Variants in SOAT1 observed in about 807,000 individuals in gnomAD.
SOAT1 encodes the protein sterol O-acyltransferase 1.
A neutral mutation model predicts 69.5 loss-of-function variants in SOAT1; 55 were observed. The ratio of observed to expected loss-of-function variants is 0.79; its 90% CI spans 0.64 to 0.99. The LOEUF (loss-of-function observed/expected upper bound fraction) is 0.99. Ranked by LOEUF, SOAT1 falls within the 50% of genes least tolerant of loss-of-function variation. The probability of loss-of-function intolerance (pLI) is 0.00; values close to 1 mark genes in which losing one functional copy is unlikely to be tolerated. For missense variants in SOAT1, 580 were observed against 669.3 expected (o/e 0.87, Z 1.47); for synonymous variants, 231 against 224.7 (o/e 1.03, Z -0.25).
chr1:179,308,377 A>G (rs947227297), intron 2 of SOAT1, among the ~76,000 whole-genome samples: 7 of 152,158 alleles, frequency 4.6e-5, no homozygotes, highest in Non-Finnish European at 7.4e-5. Context: ...GTTGAGTAAT[A>G]TAGTTCCCAG....
At chr1:179,339,327 G>A in intron 5 of SOAT1, 111 bp from the exon 6 acceptor site, 1 of 585,442 alleles carries the variant, frequency 1.7e-6, no homozygotes, top group East Asian at 3.3e-5. Context: ...TTGGAGAGTG[G>A]ATTAAGCATC....
chr1:179,319,032 A>G (rs1168374140), intron 2 of SOAT1, among the ~76,000 whole-genome samples: 1 of 152,122 alleles, frequency 6.6e-6, no homozygotes, highest in Non-Finnish European at 1.5e-5. Context: ...TTTTCAAAGC[A>G]CTACACCATT....
chr1:179,332,382 C>T (rs866916717), intron 3 of SOAT1, among the ~76,000 whole-genome samples: 2 of 152,200 alleles, frequency 1.3e-5, no homozygotes, highest in Middle Eastern at 6.8e-3. Flanking sequence ...CTATGTGTTC[C>T]AACCATAGGG....
chr1:179,338,265 G>A (rs1666223473), intron 5 of SOAT1, among the ~76,000 whole-genome samples: 2 of 152,084 alleles, frequency 1.3e-5, no homozygotes, highest in South Asian at 4.2e-4. Flanking sequence ...GTGCATGCCT[G>A]TAATCCCAGC....
chr1:179,337,850 C>T lies in SOAT1; in HGVS notation c.343C>T (p.Pro115Ser), dbSNP rs1321784346. ...NNHRAKDLRA[P>S]PEQGKIFIAR... is the part of the protein sequence containing the mutation. The stretch of plus-strand genomic sequence containing the variant: ...TCCTCTTCTCAGGGATTTGAGAGCA[C>T]CTCCAGAACAAGGAAAGATTTTTAT... The change falls in exon 5 of 16, where the codon CCT becomes TCT. Residue 115 changes from proline to serine, a missense_variant. By Grantham distance (74) the Pro-to-Ser change is moderately conservative. Transcript: ENST00000367619. The T allele has an allele frequency of 1.2e-6, 2 of 1,610,376 alleles. No individual in the cohort carries two copies. The highest frequency in any genetic ancestry group is 1.1e-5 in the South Asian group (1 of 90,532).
intron 2 of SOAT1, among the ~76,000 whole-genome samples, chr1:179,310,316 T>C (rs1665181348): frequency 1.3e-5 from 2 of 151,382 alleles, no homozygotes; most frequent in East Asian, 1.9e-4. Context: ...ATTTGATCCA[T>C]ATGAAATTTA....
rs1666822048 is a variant in SOAT1 at position 179,353,624 on chromosome 1, T to C, written c.1636T>C (p.Cys546Arg). ...TTATGTCCGGCCACGTTCCTGGACTTGTCGTTACGTGTTTTAGAAGCTTGG... is the reference window on the plus strand; with the variant it reads ...TTATGTCCGGCCACGTTCCTGGACTCGTCGTTACGTGTTTTAGAAGCTTGG... ...LDYVRPRSWTCRYVF is the reference protein window; with the variant it reads ...LDYVRPRSWTRRYVF The change falls in exon 16 of 16, where the codon TGT (cysteine) becomes CGT (arginine). Residue 546 changes from cysteine (C) to arginine (R), a missense_variant. Physicochemically the swap from Cys to Arg is radical, Grantham distance 180 (BLOSUM62 -3). Transcript: ENST00000367619. 1 of 1,613,830 alleles carries C rather than the reference T, an allele frequency of 6.2e-7. No individual in the cohort carries two copies. Among genetic ancestry groups the C allele is most frequent in the Non-Finnish European group, 8.5e-7 (1 of 1,179,794 alleles).
intron 2 of SOAT1, among the ~76,000 whole-genome samples, chr1:179,306,568 C>T (rs1665010817): frequency 6.6e-6 from 1 of 152,028 alleles, no homozygotes; most frequent in African/African-American, 2.4e-5. Flanking sequence ...TGTGGTGGCT[C>T]ACGCCTGTAA....
At chr1:179,318,799 T>C (rs1025590855) in intron 2 of SOAT1, among the ~76,000 whole-genome samples, 1 of 152,248 alleles carries the variant, frequency 6.6e-6, no homozygotes, top group Non-Finnish European at 1.5e-5. Flanking sequence ...AATATTTCTT[T>C]TGGTTTATTG....
intron 1 of SOAT1, among the ~76,000 whole-genome samples, chr1:179,296,620 C>T (rs1199858498): frequency 3.3e-5 from 5 of 152,126 alleles, no homozygotes; most frequent in East Asian, 3.8e-4. Context: ...AAAGTTGTAG[C>T]GTTGTGTTAG....
At chr1:179,353,106 T>C (rs1351747804) in intron 15 of SOAT1, among the ~76,000 whole-genome samples, 1 of 132,338 alleles carries the variant, frequency 7.6e-6, no homozygotes, top group Non-Finnish European at 1.6e-5. Context: ...TATATGTGTA[T>C]ATATAATATA....
intron 1 of SOAT1, among the ~76,000 whole-genome samples, chr1:179,296,894 A>C (rs1296819352): frequency 1.3e-5 from 2 of 152,118 alleles, no homozygotes; most frequent in Non-Finnish European, 2.9e-5. Context: ...CTTTCTTAAG[A>C]TAAGTTAGAT....
chr1:179,329,729 A>G (rs1421383897), intron 3 of SOAT1, among the ~76,000 whole-genome samples: 1 of 151,856 alleles, frequency 6.6e-6, no homozygotes, highest in Admixed American at 6.6e-5. Flanking sequence ...AAAAAAAAAA[A>G]GAAGTTTTTG....
rs193024542 is a variant in SOAT1 at position 179,353,143 on chromosome 1, T to G, written c.1597-442T>G. ...ATTTATATTTATATATTTATTTATA[T>G]ATTATATATTAACTAATATATACTA... On this transcript the variant is annotated intron_variant, in intron 15 of 15. Transcript: ENST00000367619. 2.7e-5 allele frequency among the ~76,000 whole-genome samples: 3 copies of G among 109,222 alleles called. No individual in the cohort carries two copies. In the Admixed American group the frequency reaches 3.4e-4, roughly 12 times the overall value. 71.7% of individuals were successfully genotyped at this position (109,222 alleles called of 152,430 possible).
intron 2 of SOAT1, among the ~76,000 whole-genome samples, chr1:179,315,117 G>A (rs1031588106): frequency 6.6e-6 from 1 of 152,122 alleles, no homozygotes; most frequent in Non-Finnish European, 1.5e-5. Flanking sequence ...AAATTGAGAA[G>A]CCTTGAGTTG....
In SOAT1 at chr1:179,356,385, G is replaced by A. The variant is rs1230707277; in HGVS notation, c.*2744G>A. On this transcript the variant is annotated 3_prime_UTR_variant, in exon 16 of 16. Coordinates refer to ENST00000367619, the MANE Select transcript of SOAT1 (RefSeq NM_003101.6). ...TGCAAAATGGAATTTTGTTTTGTTT[G>A]TTGGTAGATTCACATACTAAAACTT... The A allele has an allele frequency of 1.4e-5, 2 of 147,508 alleles. No individual in the cohort carries two copies. Among genetic ancestry groups the A allele is most frequent in the African/African-American group, 5.0e-5 (2 of 39,956 alleles). 9.1% of individuals were successfully genotyped at this position (147,508 alleles called of 1,614,324 possible). A position where few individuals can be genotyped will look rare whatever the true frequency, so the allele number is the denominator to read the frequency against.
intron 2 of SOAT1, among the ~76,000 whole-genome samples, chr1:179,305,496 G>T (rs528804411): frequency 1.2e-3 from 51 of 40,930 alleles, no homozygotes; most frequent in African/African-American, 3.0e-3. Context: ...ATTTATTTTG[G>T]GGGGGTTATT....
chr1:179,326,550 C>CTTTTT (rs10568516), intron 3 of SOAT1, among the ~76,000 whole-genome samples: 111 of 106,308 alleles, frequency 1.0e-3, no homozygotes, highest in African/African-American at 3.6e-3. Flanking sequence ...AATTTCTTTT[C>CTTTTT]TTTTTTTTTT....
chr1:179,305,358 G>A (rs563893885), intron 2 of SOAT1, among the ~76,000 whole-genome samples: 2 of 152,148 alleles, frequency 1.3e-5, no homozygotes, highest in East Asian at 1.9e-4. Context: ...CTGGCCTCAA[G>A]TGATCTTCCT....
Sources: allele counts gnomAD v4.1 joint callset (sites outside exome capture counted in the v4.1 genomes callset), GRCh38; gene constraint gnomAD v4.1.1; transcripts MANE v1.5; gene names NCBI Gene and HGNC (gene_info 2026-07-23, HGNC 2026-07-21).